CHD7: variants seen among roughly 807,000 people sequenced by gnomAD.
The protein encoded by CHD7 is ATP-dependent chromatin remodeler CHD7.
In CHD7, 24 loss-of-function variants were observed where a neutral mutation model predicts 307.3. The ratio of observed to expected loss-of-function variants is 0.08; its 90% confidence interval spans 0.06 to 0.11. The LOEUF (loss-of-function observed/expected upper bound fraction) is 0.11, where lower values mean the gene tolerates loss of function less well. CHD7 is among the 10% of genes least tolerant of loss of function. The pLI is 1.00. For missense variants in CHD7, 3,106 were observed against 3,727.1 expected (o/e 0.83, Z 4.34); for synonymous variants, 1,363 against 1,349.9 (o/e 1.01, Z -0.21).
At chr8:60,691,574 TTGGTACTTGAGTTGCA>T (rs1226020951) in intron 1 of CHD7, among the ~76,000 whole-genome samples, 1 of 152,226 alleles carries the variant, frequency 6.6e-6, no homozygotes, top group Non-Finnish European at 1.5e-5. Context: ...AAAGTCGTAG[TTGGTACTTGAGTTGCA>T]TGGGGAGGAG....
intron 3 of CHD7, among the ~76,000 whole-genome samples, chr8:60,790,924 G>T (rs1009459742): frequency 2.0e-5 from 3 of 152,200 alleles, no homozygotes; most frequent in African/African-American, 7.2e-5. Context: ...TTCTTGGAAT[G>T]AGTGGTGTCC....
At chr8:60,701,213 A>T (rs1806744639) in intron 1 of CHD7, among the ~76,000 whole-genome samples, 1 of 152,230 alleles carries the variant, frequency 6.6e-6, no homozygotes, top group Admixed American at 6.5e-5. Context: ...AGCTGTGTGT[A>T]AAATGTTCAC....
At chr8:60,848,641 A>T (rs757431975) in intron 24 of CHD7, 37 bp downstream of exon 24, 1 of 1,509,444 alleles carries the variant, frequency 6.6e-7, no homozygotes, top group East Asian at 2.3e-5. Context: ...AACCTCAGTG[A>T]GATAATCTGG....
chr8:60,864,988 G>A (rs771740964), intron 37 of CHD7, 28 bp from the exon 38 acceptor site: 1 of 1,555,090 alleles, frequency 6.4e-7, no homozygotes, highest in Non-Finnish European at 8.7e-7. Context: ...AGCCTTTATA[G>A]CCACTGTTTG....
intron 1 of CHD7, among the ~76,000 whole-genome samples, chr8:60,697,186 C>G (rs531934093): frequency 6.6e-6 from 1 of 152,148 alleles, no homozygotes; most frequent in South Asian, 2.1e-4. Flanking sequence ...ACAGTTTATT[C>G]TGTCTTGGAG....
intron 2 of CHD7, among the ~76,000 whole-genome samples, chr8:60,771,384 G>A (rs1406149979): frequency 1.3e-5 from 2 of 152,178 alleles, no homozygotes; most frequent in Non-Finnish European, 2.9e-5. Flanking sequence ...ATGCTTATTT[G>A]TTGATCATCC....
At chr8:60,722,283 A>C (rs950679916) in intron 1 of CHD7, among the ~76,000 whole-genome samples, 7 of 152,150 alleles carry the variant, frequency 4.6e-5, no homozygotes, top group Non-Finnish European at 1.0e-4. Flanking sequence ...GAGACAGTGG[A>C]AATTACTGAG....
chr8:60,765,274 TAC>T (rs34068675), intron 2 of CHD7, among the ~76,000 whole-genome samples: 117,463 of 151,146 alleles, frequency 0.78, 45,880 homozygotes, highest in East Asian at 0.94. Context: ...TATATGTGCA[TAC>T]ACACACACCC....
chr8:60,860,714 C>T (rs1443150982), intron 34 of CHD7, among the ~76,000 whole-genome samples, 190 bp from the exon 35 acceptor site: 8 of 152,248 alleles, frequency 5.3e-5, no homozygotes, highest in East Asian at 1.9e-4. Flanking sequence ...GGATTACAGG[C>T]GTGAGCCACC....
intron 2 of CHD7, among the ~76,000 whole-genome samples, chr8:60,751,901 T>C (rs1809659365): frequency 6.6e-6 from 1 of 152,182 alleles, no homozygotes; most frequent in Admixed American, 6.5e-5. Flanking sequence ...TGCTTGTTTT[T>C]TATCCTGGAC....
chr8:60,856,761 C>G lies in CHD7; in HGVS notation c.7481C>G (p.Thr2494Arg). Reference sequence around the variant, plus strand: ...CAAGCAGGCCTTTCGCGCACACCCACAAGGCATCTCCTTAATGGCTCCCTA... The same window carrying G: ...CAAGCAGGCCTTTCGCGCACACCCAGAAGGCATCTCCTTAATGGCTCCCTA... ...LLQAGLSRTPTRHLLNGSLVD... is the reference protein window; with the variant it reads ...LLQAGLSRTPRRHLLNGSLVD... The change falls in exon 34 of 38, where the codon ACA (threonine) becomes AGA (arginine). Residue 2494 changes from threonine to arginine, a missense_variant. Thr to Arg is a moderately conservative substitution (Grantham distance 71, BLOSUM62 -1). Transcript: ENST00000423902. The G allele has an allele frequency of 6.2e-7, 1 of 1,614,012 alleles. No homozygotes were observed. The highest frequency in any genetic ancestry group is 8.5e-7 in the Non-Finnish European group (1 of 1,179,890).
intron 7 of CHD7, chr8:60,808,679 A>C (rs1283105073): frequency 1.2e-5 from 2 of 161,888 alleles, no homozygotes; most frequent in Non-Finnish European, 2.7e-5. Flanking sequence ...GCTCTAGAGA[A>C]CCATGACATC....
At chr8:60,855,611 A>G (rs1416024585) in intron 32 of CHD7, among the ~76,000 whole-genome samples, 2 of 152,210 alleles carry the variant, frequency 1.3e-5, no homozygotes, top group East Asian at 1.9e-4. Flanking sequence ...ATTGTCATCT[A>G]CTGACATCCA....
intron 28 of CHD7, among the ~76,000 whole-genome samples, 173 bp downstream of exon 28, chr8:60,851,492 A>T (rs1805454626): frequency 6.6e-6 from 1 of 152,190 alleles, no homozygotes; most frequent in South Asian, 2.1e-4. Flanking sequence ...TTTTCATGAC[A>T]TTGAATTTCT....
intron 2 of CHD7, among the ~76,000 whole-genome samples, chr8:60,756,272 C>G (rs1431643490): frequency 6.6e-6 from 1 of 152,126 alleles, no homozygotes; most frequent in Non-Finnish European, 1.5e-5. Context: ...ATAGGTGGCC[C>G]TGAAACCATG....
chr8:60,714,441 C>T (rs1025653732), intron 1 of CHD7, among the ~76,000 whole-genome samples: 21 of 140,650 alleles, frequency 1.5e-4, no homozygotes, highest in Non-Finnish European at 7.8e-5. Context: ...CCGCACACCG[C>T]CAGGCCTCTG....
chr8:60,794,921 G>A, intron 3 of CHD7, 65 bp from the exon 4 acceptor site: 1 of 1,419,892 alleles, frequency 7.0e-7, no homozygotes, highest in Non-Finnish European at 9.6e-7. Flanking sequence ...ATTAATGTGG[G>A]AAATATAAGA....
In CHD7 at chr8:60,822,385, G is replaced by A. The variant is rs1804085430; in HGVS notation, c.2958-118G>A. 7.1e-6 allele frequency: 7 copies of A among 987,210 alleles called. No individual in the cohort carries two copies. In the South Asian group the frequency reaches 1.6e-4, roughly 22 times the overall value. 61.2% of individuals were successfully genotyped at this position (987,210 alleles called of 1,614,324 possible). A position where few individuals can be genotyped will look rare whatever the true frequency, so the allele number is the denominator to read the frequency against. ...AAAATATATTTTGTTGAATCTAAGA[G>A]AACATCTAAAGCCTTTGGGTATGCA... On this transcript the variant is annotated intron_variant, in intron 11 of 37. Coordinates refer to ENST00000423902, the MANE Select transcript of CHD7 (RefSeq NM_017780.4).
chr8:60,713,492 G>A (rs1041391980), intron 1 of CHD7, among the ~76,000 whole-genome samples: 7 of 152,128 alleles, frequency 4.6e-5, no homozygotes, highest in African/African-American at 1.7e-4. Flanking sequence ...GAATATAGAG[G>A]GTGATAGGCA....
Sources: gnomAD v4.1 joint callset for allele counts (sites outside exome capture counted in the v4.1 genomes callset) on GRCh38, gnomAD v4.1.1 for gene constraint, MANE v1.5 for transcripts, NCBI Gene and HGNC (gene_info 2026-07-23, HGNC 2026-07-21) for gene names.